Variants in SIL1 observed in about 807,000 individuals in gnomAD.
SIL1 encodes SIL1 nucleotide exchange factor, also known as nucleotide exchange factor SIL1.
In SIL1, 40 loss-of-function variants were observed where a neutral mutation model predicts 49.1. That is an observed-to-expected ratio of 0.81 (90% CI 0.63 to 1.06). The LOEUF (loss-of-function observed/expected upper bound fraction) is 1.06, where lower values mean the gene tolerates loss of function less well. Among genes scored for constraint, SIL1 ranks in the 50% least tolerant of loss-of-function variants. The pLI, the probability that SIL1 is intolerant of heterozygous loss-of-function variation, is 0.00. For missense variants in SIL1, 500 were observed against 572.6 expected, an observed-to-expected ratio of 0.87 and a Z score of 1.29; for synonymous variants, 253 against 250.8, an observed-to-expected ratio of 1.01 and a Z score of -0.08.
At chr5:139,108,906 G>GA (rs11437704) in intron 3 of SIL1, among the ~76,000 whole-genome samples, 55,758 of 143,664 alleles carry the variant, frequency 0.39, 10,425 homozygotes, top group African/African-American at 0.43. Flanking sequence ...ACAAGGAAAA[G>GA]AAAAAAAAAA....
intron 3 of SIL1, among the ~76,000 whole-genome samples, chr5:139,082,774 A>G (rs1007359157): frequency 3.3e-5 from 5 of 152,212 alleles, no homozygotes; most frequent in African/African-American, 9.6e-5. Context: ...TCCTCTAGAG[A>G]TCAGTAGGAA....
intron 3 of SIL1, among the ~76,000 whole-genome samples, chr5:139,098,942 G>A (rs761911155): frequency 1.3e-5 from 2 of 149,138 alleles, no homozygotes; most frequent in Non-Finnish European, 3.0e-5. Context: ...TCAGCCTCCT[G>A]AGTAGCTGGG....
chr5:139,113,450 C>T (rs1376725972), intron 3 of SIL1, among the ~76,000 whole-genome samples: 1 of 151,852 alleles, frequency 6.6e-6, no homozygotes, highest in Non-Finnish European at 1.5e-5. Context: ...CCCACCACCT[C>T]ATTTTTCCCT....
intron 7 of SIL1, among the ~76,000 whole-genome samples, chr5:138,955,435 G>A (rs1326922106): frequency 6.6e-6 from 1 of 152,216 alleles, no homozygotes; most frequent in East Asian, 1.9e-4. Flanking sequence ...GGGGCAGGCT[G>A]CAAAAATGGA....
chr5:139,170,175 G>A (rs955214341), intron 1 of SIL1, among the ~76,000 whole-genome samples: 12 of 152,306 alleles, frequency 7.9e-5, no homozygotes, highest in Non-Finnish European at 8.8e-5. Context: ...AGTGCTCAAT[G>A]GTGCCCAGGC....
intron 3 of SIL1, among the ~76,000 whole-genome samples, chr5:139,057,572 G>A (rs112459130): frequency 0.016 from 2,429 of 152,130 alleles, 36 homozygotes; most frequent in Non-Finnish European, 0.027. Context: ...CTCCTCAGAG[G>A]GGTCCAGGAA....
chr5:139,187,517 T>TAAAA (rs36105029), intron 1 of SIL1, among the ~76,000 whole-genome samples: 2 of 136,080 alleles, frequency 1.5e-5, no homozygotes, highest in African/African-American at 5.5e-5. Flanking sequence ...GACTCCATCT[T>TAAAA]AAAAAAAAAA....
At chr5:138,951,741 C>T (rs1303014315) in intron 8 of SIL1, 47 bp downstream of exon 8, 2 of 1,552,376 alleles carry the variant, frequency 1.3e-6, no homozygotes, top group Non-Finnish European at 1.8e-6. Flanking sequence ...TTTCAGGCCC[C>T]ACACGTGTCC....
chr5:139,153,732 C>T (rs890219680), intron 1 of SIL1, among the ~76,000 whole-genome samples: 7 of 152,202 alleles, frequency 4.6e-5, no homozygotes, highest in Non-Finnish European at 7.3e-5. Context: ...TATGCTCCCC[C>T]TCCTGCCTTC....
At chr5:139,027,051 G>A in intron 5 of SIL1, 59 bp from the exon 6 acceptor site, 2 of 1,539,882 alleles carry the variant, frequency 1.3e-6, no homozygotes, top group South Asian at 2.3e-5. Context: ...CAAGATGTCT[G>A]TGGTCTACCA....
At chr5:139,167,071 C>G (rs944536998) in intron 1 of SIL1, among the ~76,000 whole-genome samples, 1 of 152,186 alleles carries the variant, frequency 6.6e-6, no homozygotes, top group African/African-American at 2.4e-5. Flanking sequence ...CTCAGCCTCC[C>G]AAAGTGCTGA....
At chr5:139,193,584 G>A (rs1320052068) in intron 1 of SIL1, among the ~76,000 whole-genome samples, 9 of 152,154 alleles carry the variant, frequency 5.9e-5, no homozygotes, top group African/African-American at 1.9e-4. Context: ...ACATTCCACT[G>A]GGGAGTAGAC....
intron 7 of SIL1, among the ~76,000 whole-genome samples, chr5:139,005,397 A>T (rs1187912954): frequency 2.0e-5 from 3 of 150,624 alleles, no homozygotes; most frequent in Non-Finnish European, 4.4e-5. Context: ...TTTTCTGTGA[A>T]TTTTACTACC....
At chr5:139,156,626 G>A (rs1328404378) in intron 1 of SIL1, among the ~76,000 whole-genome samples, 1 of 152,190 alleles carries the variant, frequency 6.6e-6, no homozygotes, top group Admixed American at 6.5e-5. Flanking sequence ...ATTTGACAGA[G>A]ACACAGAAAA....
At chr5:139,143,442 C>T (rs998771906) in intron 1 of SIL1, among the ~76,000 whole-genome samples, 1 of 151,126 alleles carries the variant, frequency 6.6e-6, no homozygotes, top group African/African-American at 2.4e-5. Context: ...GTAATCTAGG[C>T]TCACTGCAAC....
chr5:139,138,363 A>C (rs1404763121), intron 1 of SIL1, among the ~76,000 whole-genome samples: 1 of 152,230 alleles, frequency 6.6e-6, no homozygotes, highest in African/African-American at 2.4e-5. Context: ...CTCAGGTCCT[A>C]GTCTGTACTT....
intron 7 of SIL1, among the ~76,000 whole-genome samples, chr5:138,965,853 A>C (rs1767127634): frequency 6.6e-6 from 1 of 151,658 alleles, no homozygotes; most frequent in Non-Finnish European, 1.5e-5. Flanking sequence ...TTCCGGGACC[A>C]TGAGAGTGCT....
chr5:139,123,356 G>A (rs2151794487), intron 2 of SIL1, among the ~76,000 whole-genome samples: 1 of 152,282 alleles, frequency 6.6e-6, no homozygotes, highest in South Asian at 2.1e-4. Flanking sequence ...CAGAGGGCAG[G>A]CACCATGTCA....
chr5:138,983,644 C>T (rs1767582542), intron 7 of SIL1, among the ~76,000 whole-genome samples: 2 of 152,016 alleles, frequency 1.3e-5, no homozygotes, highest in South Asian at 2.1e-4. Context: ...CAAGGAGATT[C>T]CCGTCCAACC....
Sources: allele counts gnomAD v4.1 joint callset (sites outside exome capture counted in the v4.1 genomes callset), GRCh38; gene constraint gnomAD v4.1.1; transcripts MANE v1.5; gene names NCBI Gene and HGNC (gene_info 2026-07-23, HGNC 2026-07-21).